Variants in ATP6AP2 observed in about 807,000 individuals in gnomAD.
ATP6AP2 encodes the protein ATPase H+ transporting accessory protein 2.
Under a neutral mutation model 23.4 loss-of-function variants are expected in ATP6AP2, and 1 was observed. The observed-to-expected ratio is 0.04, with a 90% CI of 0.02 to 0.20. The LOEUF is 0.20. Among genes scored for constraint, ATP6AP2 ranks in the 10% least tolerant of loss-of-function variants. The pLI is 1.00. For synonymous variants in ATP6AP2, 90 were observed against 97.1 expected, an observed-to-expected ratio of 0.93 and a Z score of 0.43; for missense variants, 174 against 271.3, an observed-to-expected ratio of 0.64 and a Z score of 2.52.
At chrX:40,581,326 C>G (rs1602395054) in intron 1 of ATP6AP2, among the ~76,000 whole-genome samples, 1 of 113,290 alleles carries the variant, frequency 8.8e-6, no homozygotes, top group Non-Finnish European at 1.9e-5. Flanking sequence ...CGTAGGGGGC[C>G]CCTGAGCCTG....
Position 40,589,002 on chromosome X carries a change from G to A in ATP6AP2, c.54G>A (p.Glu18=), listed in dbSNP as rs1486512394. ...LALVAGVLGN[E]FSILKSPGSV... ...TCTTTTCAGGTGTTTTGGGGAACGA[G>A]TTTAGTATATTAAAATCACCAGGGT... is the stretch of plus-strand genomic sequence containing the variant. Residue 18 remains glutamate, a synonymous_variant, in exon 2 of 9, where the codon GAG becomes GAA. Coordinates refer to ENST00000636580, the MANE Select transcript of ATP6AP2 (RefSeq NM_005765.3). The A allele has an allele frequency of 2.5e-6, 3 of 1,208,202 alleles. No homozygotes were observed. The highest frequency in any genetic ancestry group is 1.8e-5 in the African/African-American group (1 of 57,100).
At chrX:40,587,007 C>T (rs1048876426) in intron 1 of ATP6AP2, among the ~76,000 whole-genome samples, 2 of 112,607 alleles carry the variant, frequency 1.8e-5, no homozygotes, top group African/African-American at 3.2e-5. Flanking sequence ...CGGTGGCTCA[C>T]GCCTGTAATC....
intron 8 of ATP6AP2, chrX:40,603,357 A>T (rs1926988699): frequency 6.5e-5 from 1 of 15,357 alleles, no homozygotes; most frequent in Admixed American, 6.5e-4. Flanking sequence ...ATGTTTATCA[A>T]AAAAAAAAAA....
At chrX:40,581,770 C>G (rs1269076705) in intron 1 of ATP6AP2, among the ~76,000 whole-genome samples, 1 of 111,811 alleles carries the variant, frequency 8.9e-6, no homozygotes, top group Non-Finnish European at 1.9e-5. Flanking sequence ...AACCTAGATT[C>G]CTAAGCATTC....
chrX:40,597,698 C>A lies in ATP6AP2; in HGVS notation c.534+34C>A, dbSNP rs202212719. ...AGTTATTCAATGAATACATGAATAT[C>A]ATTAATTTCCGTCTTTTTAAAAAAT... is the stretch of plus-strand genomic sequence containing the variant. On this transcript the variant is annotated intron_variant, in intron 5 of 8. Coordinates refer to ENST00000636580, the MANE Select transcript of ATP6AP2 (RefSeq NM_005765.3). The A allele has an allele frequency of 5.6e-4, 656 of 1,162,039 alleles. 1 individual carries two copies. The highest frequency in any genetic ancestry group is 1.4e-3 in the Middle Eastern group (6 of 4,249).
In ATP6AP2 at chrX:40,586,784, C is replaced by T. The variant is rs1926484105; in HGVS notation, c.38-2202C>T. ...GCAGAAGTTTGGACAAATGACCTTC[C>T]TCTGTATAGGAGTCCCTGACTCTAA... On this transcript the variant is annotated intron_variant, in intron 1 of 8. Coordinates refer to ENST00000636580, the MANE Select transcript of ATP6AP2 (RefSeq NM_005765.3). Among the ~76,000 whole-genome samples the T allele has an allele frequency of 2.7e-5, 3 of 111,654 alleles. No individual in the cohort carries two copies. The South Asian group carries it at 1.1e-3, about 41-fold the overall frequency.
chrX:40,585,875 A>T (rs951681676), intron 1 of ATP6AP2, among the ~76,000 whole-genome samples: 2 of 111,399 alleles, frequency 1.8e-5, no homozygotes, highest in Admixed American at 9.6e-5. Context: ...AATAAAAAAA[A>T]TTTTTAAAAT....
chrX:40,602,510 C>A (rs1328146500), intron 8 of ATP6AP2, among the ~76,000 whole-genome samples: 1 of 104,831 alleles, frequency 9.5e-6, no homozygotes, highest in African/African-American at 3.6e-5. Context: ...ATCAGCCGGG[C>A]GTGGTGGCGC....
intron 1 of ATP6AP2, among the ~76,000 whole-genome samples, chrX:40,588,704 T>TTG (rs1926543638): frequency 9.3e-6 from 1 of 107,405 alleles, no homozygotes; most frequent in Non-Finnish European, 1.9e-5. Flanking sequence ...TTTTTGAGAC[T>TTG]TTTGTTTGTT....
chrX:40,588,742 C>G lies in ATP6AP2; in HGVS notation c.38-244C>G, dbSNP rs182422450. On this transcript the variant is annotated intron_variant, in intron 1 of 8. Transcript: ENST00000636580. ...TTGTTCTTATCAGGCAGACCCTGAA[C>G]CAGAATAGGTTCAGAGAGGCTCTGA... is the stretch of plus-strand genomic sequence containing the variant. Among the ~76,000 whole-genome samples the G allele has an allele frequency of 5.3e-4, 59 of 110,829 alleles. 1 individual carries two copies. The Admixed American group carries it at 5.6e-3, about 11-fold the overall frequency.
At chrX:40,581,565 C>T (rs1926325409) in intron 1 of ATP6AP2, among the ~76,000 whole-genome samples, 1 of 112,643 alleles carries the variant, frequency 8.9e-6, no homozygotes, top group Non-Finnish European at 1.9e-5. Context: ...ATCCCTGCCC[C>T]TCCCTTCCCT....
rs112695938 is a variant in ATP6AP2, at chrX:40,596,954, G to A, written c.301-295G>A. On this transcript the variant is annotated intron_variant, in intron 3 of 8. Transcript: ENST00000636580. Reference sequence around the variant, plus strand: ...CAATATTGAAACCAAATGTATTGCTGCTTCAAATACATGAATGACCACCAG... The same window carrying A: ...CAATATTGAAACCAAATGTATTGCTACTTCAAATACATGAATGACCACCAG... 1,312 of 244,211 alleles carry A rather than the reference G, an allele frequency of 5.4e-3. 20 individuals are homozygous for A. The highest frequency in any genetic ancestry group is 0.035 in the African/African-American group (1,231 of 35,522). 20.1% of individuals were successfully genotyped at this position (244,211 alleles called of 1,213,427 possible).
chrX:40,603,013 A>G (rs1926977750), intron 8 of ATP6AP2, among the ~76,000 whole-genome samples: 1 of 97,720 alleles, frequency 1.0e-5, no homozygotes, highest in African/African-American at 4.0e-5. Flanking sequence ...AACTCACTGC[A>G]GCCTCCACCT....
chrX:40,591,680 G>GT, intron 3 of ATP6AP2: 1 of 248,099 alleles, frequency 4.0e-6, no homozygotes, highest in Non-Finnish European at 7.4e-6. Context: ...TCCTGCTACT[G>GT]TTTTTTTGGC....
At chrX:40,599,302 C>T (rs765622624) in intron 6 of ATP6AP2, 49 of 308,599 alleles carry the variant, frequency 1.6e-4, no homozygotes, top group East Asian at 6.2e-4. Context: ...TTCTTTCATA[C>T]GTTGGCCCAT....
intron 3 of ATP6AP2, among the ~76,000 whole-genome samples, chrX:40,594,096 T>A (rs202144262): frequency 1.8e-5 from 2 of 110,992 alleles, no homozygotes; most frequent in Non-Finnish European, 1.9e-5. Context: ...AAAAAAAATA[T>A]AAGTATGTGA....
chrX:40,591,227 T>C lies in ATP6AP2; in HGVS notation c.169-7T>C. On this transcript the variant is annotated splice_polypyrimidine_tract_variant and splice_region_variant and intron_variant, in intron 2 of 8. Transcript: ENST00000636580. ...TTAAGCACCGCTTTGTGCTTTTCAA[T>C]GTTTAGGACCTTTCTTGGCCAGGAC... The C allele has an allele frequency of 1.7e-6, 2 of 1,210,485 alleles. No individual in the cohort carries two copies. Among genetic ancestry groups the C allele is most frequent in the South Asian group, 1.8e-5 (1 of 56,961 alleles).
At chrX:40,598,543 T>A in intron 5 of ATP6AP2, 138 bp from the exon 6 acceptor site, 1 of 631,228 alleles carries the variant, frequency 1.6e-6, no homozygotes, top group Non-Finnish European at 2.6e-6. Flanking sequence ...GAAGCAAACA[T>A]ACCAAATGGA....
intron 1 of ATP6AP2, among the ~76,000 whole-genome samples, chrX:40,585,207 G>A (rs1926433232): frequency 8.9e-6 from 1 of 112,005 alleles, no homozygotes. Context: ...TTGTAATATA[G>A]CACAAATCAA....
Sources: allele counts gnomAD v4.1 joint callset (sites outside exome capture counted in the v4.1 genomes callset), GRCh38; gene constraint gnomAD v4.1.1; transcripts MANE v1.5; gene names NCBI Gene and HGNC (gene_info 2026-07-23, HGNC 2026-07-21).